Variants in INVS observed in about 807,000 individuals in gnomAD.
INVS encodes the protein inversin, also known as inversion of embryo turning homolog.
INVS carries 86 observed loss-of-function variants against 108.8 expected under a neutral mutation model. That is an observed-to-expected ratio of 0.79 (90% CI 0.66 to 0.95). INVS has a LOEUF of 0.95. Ranked by LOEUF, INVS falls within the 40% of genes least tolerant of loss-of-function variation. The pLI is 0.00. For synonymous variants in INVS, 455 were observed against 473.5 expected, an observed-to-expected ratio of 0.96 and a Z score of 0.51; for missense variants, 1,169 against 1,297.4, an observed-to-expected ratio of 0.90 and a Z score of 1.52.
At chr9:100,258,993 C>T (rs1281565758) in intron 10 of INVS, among the ~76,000 whole-genome samples, 1 of 151,904 alleles carries the variant, frequency 6.6e-6, no homozygotes. Flanking sequence ...GCCTTTTGTT[C>T]AGCTATGTCC....
At chr9:100,287,457 G>A (rs1177030533) in intron 13 of INVS, among the ~76,000 whole-genome samples, 1 of 152,138 alleles carries the variant, frequency 6.6e-6, no homozygotes, top group Non-Finnish European at 1.5e-5. Context: ...GTTCCTATTT[G>A]GTCACAGATT....
intron 13 of INVS, among the ~76,000 whole-genome samples, chr9:100,291,217 C>A (rs1024159634): frequency 3.9e-5 from 6 of 152,098 alleles, no homozygotes; most frequent in Non-Finnish European, 8.8e-5. Context: ...GCGTGCGCCA[C>A]CATGCCCAGC....
At chr9:100,298,488 A>G (rs1833856288) in intron 16 of INVS, 1 of 229,410 alleles carries the variant, frequency 4.4e-6, no homozygotes, top group African/African-American at 2.4e-5. Context: ...TCAGCCACCA[A>G]GACAAGAGTG....
At chr9:100,289,010 A>G (rs1833532839) in intron 13 of INVS, among the ~76,000 whole-genome samples, 1 of 152,172 alleles carries the variant, frequency 6.6e-6, no homozygotes, top group African/African-American at 2.4e-5. Context: ...TTATTTTCTA[A>G]CCCAGCACAT....
At chr9:100,241,783 T>C (rs1831881859) in intron 6 of INVS, among the ~76,000 whole-genome samples, 1 of 152,230 alleles carries the variant, frequency 6.6e-6, no homozygotes, top group South Asian at 2.1e-4. Flanking sequence ...TCAAATTACT[T>C]TTCTCTGCTT....
intron 3 of INVS, among the ~76,000 whole-genome samples, chr9:100,205,889 A>C (rs1830662016): frequency 6.6e-6 from 1 of 152,112 alleles, no homozygotes; most frequent in Non-Finnish European, 1.5e-5. Context: ...AGAACATGTT[A>C]GAATTGTAGC....
intron 16 of INVS, among the ~76,000 whole-genome samples, chr9:100,299,635 G>GAC (rs10530240): frequency 0.051 from 6,707 of 131,752 alleles, 173 homozygotes; most frequent in Non-Finnish European, 0.07. Context: ...GCCTTTTATT[G>GAC]ACACACACAC....
intron 3 of INVS, among the ~76,000 whole-genome samples, chr9:100,158,692 A>G (rs1829076365): frequency 6.6e-6 from 1 of 152,138 alleles, no homozygotes; most frequent in Non-Finnish European, 1.5e-5. Flanking sequence ...AGCAAAGTTA[A>G]CTCTGATGGA....
intron 3 of INVS, among the ~76,000 whole-genome samples, chr9:100,132,997 C>A (rs1183665679): frequency 6.6e-6 from 1 of 152,066 alleles, no homozygotes; most frequent in African/African-American, 2.4e-5. Flanking sequence ...CCCAGCTACT[C>A]AGGAGGCTGA....
chr9:100,134,871 C>T lies in INVS; in HGVS notation c.273+8322C>T, dbSNP rs377422742. On this transcript the variant is annotated intron_variant, in intron 3 of 16. Coordinates refer to ENST00000262457, the MANE Select transcript of INVS (RefSeq NM_014425.5). ...AATGAACTGCTGACACGTTCAACCA[C>T]ATAAGTTAATTTCATAGACATTATG... 4.6e-5 allele frequency among the ~76,000 whole-genome samples: 7 copies of T among 152,298 alleles called. No individual in the cohort carries two copies. The East Asian group carries it at 1.2e-3, about 25-fold the overall frequency.
intron 3 of INVS, among the ~76,000 whole-genome samples, chr9:100,208,648 A>G (rs1304834484): frequency 6.6e-6 from 1 of 152,222 alleles, no homozygotes. Context: ...GGAGCCTACA[A>G]GACTTGGGGT....
At chr9:100,224,087 A>G (rs1389488389) in intron 3 of INVS, among the ~76,000 whole-genome samples, 1 of 152,234 alleles carries the variant, frequency 6.6e-6, no homozygotes, top group Admixed American at 6.5e-5. Flanking sequence ...TAATGTTTTA[A>G]GAAAGTTTAA....
chr9:100,277,416 A>G (rs531492622), intron 12 of INVS, among the ~76,000 whole-genome samples: 2 of 152,308 alleles, frequency 1.3e-5, no homozygotes, highest in South Asian at 4.1e-4. Context: ...AATTACTTCC[A>G]TAGTTCTATT....
At chr9:100,251,124 CTATATAA>C (rs1252405559) in intron 8 of INVS, among the ~76,000 whole-genome samples, 1 of 152,166 alleles carries the variant, frequency 6.6e-6, no homozygotes, top group Non-Finnish European at 1.5e-5. Context: ...CCAATTATCA[CTATATAA>C]TAACTTTATT....
intron 3 of INVS, among the ~76,000 whole-genome samples, chr9:100,178,294 G>A (rs1588065127): frequency 1.3e-5 from 2 of 152,312 alleles, no homozygotes; most frequent in South Asian, 2.1e-4. Flanking sequence ...TGAATTGACA[G>A]AAGTAGGCTT....
intron 10 of INVS, among the ~76,000 whole-genome samples, chr9:100,256,911 G>A (rs975793243): frequency 2.0e-5 from 3 of 152,194 alleles, no homozygotes; most frequent in African/African-American, 4.8e-5. Flanking sequence ...GAGTTCTGTA[G>A]ATGTCTATTA....
At chr9:100,204,302 A>G (rs1029597685) in intron 3 of INVS, among the ~76,000 whole-genome samples, 1 of 152,222 alleles carries the variant, frequency 6.6e-6, no homozygotes, top group East Asian at 1.9e-4. Context: ...GTTCACTTCT[A>G]TTCACTGCTA....
chr9:100,277,588 AT>A (rs1038129756), intron 12 of INVS, among the ~76,000 whole-genome samples: 1 of 151,714 alleles, frequency 6.6e-6, no homozygotes. Context: ...GGATCTATAG[AT>A]TTTTTTTTAT....
At chr9:100,129,838 C>G in intron 3 of INVS, 1 of 460,652 alleles carries the variant, frequency 2.2e-6, no homozygotes, top group Non-Finnish European at 4.0e-6. Context: ...AGCAGCCTTA[C>G]CAGGCTGAAG....
Sources: allele counts gnomAD v4.1 joint callset (sites outside exome capture counted in the v4.1 genomes callset), GRCh38; gene constraint gnomAD v4.1.1; transcripts MANE v1.5; gene names NCBI Gene and HGNC (gene_info 2026-07-23, HGNC 2026-07-21).